RYR3: variants seen among roughly 807,000 people sequenced by gnomAD.
RYR3 encodes the protein ryanodine receptor 3, also known as brain ryanodine receptor-calcium release channel.
In RYR3, 207 loss-of-function variants were observed where a neutral mutation model predicts 584.3. The observed-to-expected ratio is 0.35, with a 90% confidence interval of 0.32 to 0.40. The LOEUF (loss-of-function observed/expected upper bound fraction) is 0.40. RYR3 is among the 10% of genes least tolerant of loss of function. The pLI is 1.00. For missense variants in RYR3, 5,616 were observed against 6,089.2 expected (o/e 0.92, Z 2.59); for synonymous variants, 2,416 against 2,248.5 (o/e 1.07, Z -2.11).
At chr15:33,646,688 A>G (rs1417349536) in intron 29 of RYR3, among the ~76,000 whole-genome samples, 162 bp downstream of exon 29, 2 of 152,264 alleles carry the variant, frequency 1.3e-5, no homozygotes, top group Admixed American at 1.3e-4. Flanking sequence ...ACGCATGTAC[A>G]TGCAAGTACA....
intron 1 of RYR3, among the ~76,000 whole-genome samples, chr15:33,418,697 C>G (rs2044007513): frequency 6.6e-6 from 1 of 152,068 alleles, no homozygotes; most frequent in Non-Finnish European, 1.5e-5. Flanking sequence ...AACTAAGGAA[C>G]TGGGGAAGGC....
At chr15:33,764,578 A>T (rs570846287) in intron 60 of RYR3, among the ~76,000 whole-genome samples, 45 of 85,922 alleles carry the variant, frequency 5.2e-4, no homozygotes, top group African/African-American at 1.5e-3. Context: ...AACCATAATT[A>T]AAAAAAAAAA....
chr15:33,336,412 C>T lies in RYR3; in HGVS notation c.51+25316C>T, dbSNP rs1329758623. Among the ~76,000 whole-genome samples the T allele has an allele frequency of 7.7e-5, 4 of 51,626 alleles. 1 individual carries two copies. Among genetic ancestry groups the T allele is most frequent in the South Asian group, 6.3e-4 (1 of 1,578 alleles). The allele number at this position is 51,626 out of a possible 152,430, so 33.9% of individuals were successfully genotyped here. On this transcript the variant is annotated intron_variant, in intron 1 of 103. Transcript: ENST00000634891. ...CTGCACTCCAGCCTGGGCGACAGAG[C>T]GAGACGAAAGAAAGAAAGAAAGAAA...
intron 5 of RYR3, among the ~76,000 whole-genome samples, chr15:33,533,845 C>T (rs769359777): frequency 1.3e-5 from 2 of 152,138 alleles, no homozygotes; most frequent in African/African-American, 2.4e-5. Context: ...CATCTATAAT[C>T]GTGATTTTGC....
At position 33,756,218 on chromosome 15, in the gene RYR3, T is replaced by G. The variant is rs185872296; in HGVS notation, c.8516-88T>G. The G allele has an allele frequency of 1.7e-4, 153 of 885,908 alleles. 1 individual carries two copies. The East Asian group carries it at 3.6e-3, about 21-fold the overall frequency. 54.9% of individuals were successfully genotyped at this position (885,908 alleles called of 1,614,324 possible). A position where few individuals can be genotyped will look rare whatever the true frequency, so the allele number is the denominator to read the frequency against. On this transcript the variant is annotated intron_variant, in intron 58 of 103. Transcript: ENST00000634891. ...AATCAGATAGCCTTTTTAAATAGCC[T>G]TTAGAAAAGCTGCTCTGTTTCTAAA...
In RYR3 at chr15:33,337,658, A is replaced by G. The variant is rs564586650; in HGVS notation, c.51+26562A>G. 3.3e-5 allele frequency among the ~76,000 whole-genome samples: 5 copies of G among 152,324 alleles called. No homozygotes were observed. In the East Asian group the frequency reaches 9.7e-4, roughly 29 times the overall value. On this transcript the variant is annotated intron_variant, in intron 1 of 103. Coordinates refer to ENST00000634891, the MANE Select transcript of RYR3 (RefSeq NM_001036.6). ...ATTTATGAATAGATGAAGAAAAACTATTTCATCATGACTGTCAACTGGTAC... is the reference window on the plus strand; with the variant it reads ...ATTTATGAATAGATGAAGAAAAACTGTTTCATCATGACTGTCAACTGGTAC...
intron 1 of RYR3, among the ~76,000 whole-genome samples, chr15:33,318,986 A>T (rs1275739605): frequency 1.3e-5 from 2 of 152,156 alleles, no homozygotes; most frequent in Non-Finnish European, 2.9e-5. Flanking sequence ...CAAAAAAGGG[A>T]AAGTGCTAAG....
chr15:33,505,691 A>G (rs1490898224), intron 3 of RYR3, among the ~76,000 whole-genome samples: 1 of 152,122 alleles, frequency 6.6e-6, no homozygotes, highest in Non-Finnish European at 1.5e-5. Flanking sequence ...ATGGGGTTTC[A>G]CCGTGTTAGC....
chr15:33,592,192 C>T (rs556108419), intron 16 of RYR3, among the ~76,000 whole-genome samples: 9 of 152,274 alleles, frequency 5.9e-5, no homozygotes, highest in African/African-American at 2.2e-4. Flanking sequence ...TTTATTTTTT[C>T]TCATATGACT....
intron 25 of RYR3, 103 bp from the exon 26 acceptor site, chr15:33,635,511 G>C: frequency 6.1e-6 from 5 of 822,402 alleles, no homozygotes; most frequent in Non-Finnish European, 1.0e-5. Flanking sequence ...GTCAGTCTTA[G>C]ATGTTCTCAT....
intron 1 of RYR3, among the ~76,000 whole-genome samples, chr15:33,352,268 T>G (rs545874502): frequency 6.6e-6 from 1 of 152,312 alleles, no homozygotes; most frequent in East Asian, 1.9e-4. Context: ...GCAAATATTT[T>G]CCCCTTTCTG....
Position 33,785,948 on chromosome 15 carries a change from C to T in RYR3, c.9555C>T (p.Gly3185=), listed in dbSNP as rs775170319. 6.2e-7 allele frequency: 1 copy of T among 1,603,190 alleles called. No individual in the cohort carries two copies. Among genetic ancestry groups the T allele is most frequent in the South Asian group, 1.1e-5 (1 of 89,088 alleles). Residue 3185 remains glycine, a synonymous_variant, in exon 66 of 104, where the codon GGC becomes GGT. Transcript: ENST00000634891. Reference sequence around the variant, plus strand: ...TGAAAATCATCAACAACAACCTGGGCATCGATGAGGCCTCCTGGATGAAGC... The same window carrying T: ...TGAAAATCATCAACAACAACCTGGGTATCGATGAGGCCTCCTGGATGAAGC... ...NILKIINNNL[G]IDEASWMKRI... is the part of the protein sequence containing the mutation.
chr15:33,808,459 A>T (rs548608100), intron 70 of RYR3, among the ~76,000 whole-genome samples: 1 of 152,208 alleles, frequency 6.6e-6, no homozygotes, highest in East Asian at 1.9e-4. Context: ...AATAATTTAG[A>T]TTGTGTAATC....
intron 76 of RYR3, 149 bp downstream of exon 76, chr15:33,818,833 TGTCTAGGGAGCC>T: frequency 3.1e-6 from 2 of 637,578 alleles, no homozygotes; most frequent in South Asian, 3.9e-5. Flanking sequence ...CATCAAGATA[TGTCTAGGGAGCC>T]AGGCGTGGTG....
In RYR3 at chr15:33,662,346, T is replaced by A. The variant is rs1596032710; in HGVS notation, c.4816T>A (p.Phe1606Ile). Residue 1606 changes from phenylalanine to isoleucine, a missense_variant, in exon 35 of 104, where the codon TTC becomes ATC. Coordinates refer to ENST00000634891, the MANE Select transcript of RYR3 (RefSeq NM_001036.6). ...CCTCCCCGGCCTCCTTCGATCTGGTTTCTATGACCTGCTCATCAGCATCCA... is the reference window on the plus strand; with the variant it reads ...CCTCCCCGGCCTCCTTCGATCTGGTATCTATGACCTGCTCATCAGCATCCA... ...KYLPGLLRSG[F>I]YDLLISIHLA... is the part of the protein sequence containing the mutation. 1 of 1,612,700 alleles carries A rather than the reference T, an allele frequency of 6.2e-7. No homozygotes were observed. Among genetic ancestry groups the A allele is most frequent in the African/African-American group, 1.3e-5 (1 of 75,032 alleles).
chr15:33,827,094 T>TGCTTAC, intron 84 of RYR3, 105 bp from the exon 85 acceptor site: 1 of 961,528 alleles, frequency 1.0e-6, no homozygotes, highest in Non-Finnish European at 1.6e-6. Flanking sequence ...GGTATTCTTG[T>TGCTTAC]AAGCCTTTTC....
intron 43 of RYR3, among the ~76,000 whole-genome samples, chr15:33,722,263 C>T (rs759664481): frequency 2.0e-5 from 3 of 152,190 alleles, no homozygotes; most frequent in African/African-American, 7.2e-5. Flanking sequence ...TTCTCTGAGT[C>T]ACTTGTGAAT....
At chr15:33,330,696 C>A (rs1341534386) in intron 1 of RYR3, among the ~76,000 whole-genome samples, 1 of 152,090 alleles carries the variant, frequency 6.6e-6, no homozygotes, top group East Asian at 1.9e-4. Context: ...TGTAAGTGAA[C>A]AATAACTGGA....
chr15:33,465,982 G>A (rs1013748816), intron 1 of RYR3, among the ~76,000 whole-genome samples: 3 of 152,094 alleles, frequency 2.0e-5, no homozygotes, highest in Admixed American at 6.5e-5. Flanking sequence ...ACTACAAAAA[G>A]AACATATGTG....
Sources: gnomAD v4.1 joint callset for allele counts (sites outside exome capture counted in the v4.1 genomes callset) on GRCh38, gnomAD v4.1.1 for gene constraint, MANE v1.5 for transcripts, NCBI Gene and HGNC (gene_info 2026-07-23, HGNC 2026-07-21) for gene names.